Variants in ITGBL1 observed in about 807,000 individuals in gnomAD.
ITGBL1 encodes integrin subunit beta like 1.
Under a neutral mutation model 68.5 loss-of-function variants are expected in ITGBL1, and 51 were observed. The observed-to-expected ratio is 0.74, with a 90% CI of 0.59 to 0.94. The LOEUF (loss-of-function observed/expected upper bound fraction) is 0.94, where lower values mean the gene tolerates loss of function less well. Ranked by LOEUF, ITGBL1 falls within the 40% of genes least tolerant of loss-of-function variation. The pLI, the probability that ITGBL1 is intolerant of heterozygous loss-of-function variation, is 0.00. For synonymous variants in ITGBL1, 209 were observed against 227.3 expected (o/e 0.92, Z 0.72); for missense variants, 649 against 647.4 (o/e 1.00, Z -0.03).
chr13:101,573,621 A>T (rs1478033478), intron 3 of ITGBL1, among the ~76,000 whole-genome samples: 2 of 152,176 alleles, frequency 1.3e-5, no homozygotes, highest in Non-Finnish European at 1.5e-5. Flanking sequence ...GTACATATTC[A>T]TCACTTGGTA....
intron 7 of ITGBL1, among the ~76,000 whole-genome samples, chr13:101,652,799 G>C (rs574786732): frequency 3.7e-4 from 57 of 152,154 alleles, no homozygotes; most frequent in Non-Finnish European, 7.4e-4. Flanking sequence ...GATCATCACA[G>C]AATAAGAAAC....
At chr13:101,695,647 A>G (rs1185665658) in intron 8 of ITGBL1, among the ~76,000 whole-genome samples, 3 of 152,088 alleles carry the variant, frequency 2.0e-5, no homozygotes, top group African/African-American at 7.2e-5. Context: ...AGCTGGATGG[A>G]AGACAGTAAA....
chr13:101,588,845 T>C lies in ITGBL1; in HGVS notation c.868+5489T>C, dbSNP rs967895846. 5.3e-5 allele frequency among the ~76,000 whole-genome samples: 8 copies of C among 152,334 alleles called. No homozygotes were observed. In the East Asian group the frequency reaches 1.3e-3, roughly 26 times the overall value. On this transcript the variant is annotated intron_variant, in intron 6 of 10. Transcript: ENST00000376180. Reference sequence around the variant, plus strand: ...CTACCAAATGATTCCTTCTTTGGCATAACTTTTAAAATTGGAATTGAGAAA... The same window carrying C: ...CTACCAAATGATTCCTTCTTTGGCACAACTTTTAAAATTGGAATTGAGAAA...
chr13:101,529,031 A>C (rs1313410654), intron 2 of ITGBL1, among the ~76,000 whole-genome samples: 1 of 152,054 alleles, frequency 6.6e-6, no homozygotes, highest in Non-Finnish European at 1.5e-5. Context: ...TAGGCACTAT[A>C]CCATAGGGAA....
At chr13:101,463,902 GTTC>G (rs1359832283) in intron 2 of ITGBL1, among the ~76,000 whole-genome samples, 1 of 140,496 alleles carries the variant, frequency 7.1e-6, no homozygotes, top group African/African-American at 2.7e-5. Context: ...AGTCATTCTA[GTTC>G]TTTTTTTTTT....
intron 2 of ITGBL1, among the ~76,000 whole-genome samples, chr13:101,560,975 C>T (rs377750451): frequency 2.6e-5 from 4 of 152,130 alleles, no homozygotes; most frequent in East Asian, 1.9e-4. Flanking sequence ...AAAAGTGGGA[C>T]GAATTAAAAA....
intron 2 of ITGBL1, among the ~76,000 whole-genome samples, chr13:101,456,036 G>A (rs1188905005): frequency 6.6e-6 from 1 of 152,074 alleles, no homozygotes; most frequent in African/African-American, 2.4e-5. Context: ...TGCTGTGGTA[G>A]ACAGCATTCC....
intron 2 of ITGBL1, among the ~76,000 whole-genome samples, chr13:101,542,792 T>A (rs2049734799): frequency 6.6e-6 from 1 of 152,236 alleles, no homozygotes; most frequent in African/African-American, 2.4e-5. Context: ...GTTGAACTGA[T>A]CCCTTTACTA....
chr13:101,660,210 A>G (rs914843565), intron 7 of ITGBL1, among the ~76,000 whole-genome samples: 8 of 152,150 alleles, frequency 5.3e-5, no homozygotes, highest in African/African-American at 1.9e-4. Flanking sequence ...AACTCAAATC[A>G]ATTTTCTTGA....
At chr13:101,529,802 TAA>T (rs1361395614) in intron 2 of ITGBL1, among the ~76,000 whole-genome samples, 1 of 152,190 alleles carries the variant, frequency 6.6e-6, no homozygotes, top group Non-Finnish European at 1.5e-5. Flanking sequence ...TGCCATGATT[TAA>T]GTTTCCTGAA....
intron 2 of ITGBL1, among the ~76,000 whole-genome samples, chr13:101,473,859 C>T (rs2048497972): frequency 6.6e-6 from 1 of 152,144 alleles, no homozygotes; most frequent in South Asian, 2.1e-4. Context: ...AACCCACTAC[C>T]TTGAAGAGAA....
At chr13:101,534,151 T>C (rs61976161) in intron 2 of ITGBL1, among the ~76,000 whole-genome samples, 2,949 of 152,232 alleles carry the variant, frequency 0.019, 49 homozygotes, top group Non-Finnish European at 0.032. Flanking sequence ...CAAATGTCAT[T>C]GTCAACGTTG....
intron 7 of ITGBL1, among the ~76,000 whole-genome samples, chr13:101,638,458 T>C (rs893229112): frequency 6.6e-6 from 1 of 152,086 alleles, no homozygotes; most frequent in Non-Finnish European, 1.5e-5. Flanking sequence ...CTATTTGTAT[T>C]AGCCCGTTTT....
intron 2 of ITGBL1, among the ~76,000 whole-genome samples, chr13:101,479,091 G>GTA (rs529095845): frequency 1.0e-3 from 158 of 152,084 alleles, no homozygotes; most frequent in African/African-American, 3.7e-3. Flanking sequence ...AAATAGTATA[G>GTA]TACTAGCATA....
chr13:101,534,397 C>A (rs1206477673), intron 2 of ITGBL1, among the ~76,000 whole-genome samples: 2 of 151,976 alleles, frequency 1.3e-5, no homozygotes, highest in East Asian at 3.9e-4. Flanking sequence ...AGGTTGAGGG[C>A]AACACACTAA....
intron 9 of ITGBL1, among the ~76,000 whole-genome samples, chr13:101,707,890 G>T (rs1006230482): frequency 4.1e-5 from 6 of 146,352 alleles, no homozygotes; most frequent in African/African-American, 1.5e-4. Context: ...ATTAAACAAA[G>T]AAAACAAAAG....
chr13:101,676,066 G>C (rs1284902438), intron 7 of ITGBL1, among the ~76,000 whole-genome samples: 1 of 145,990 alleles, frequency 6.8e-6, no homozygotes, highest in Non-Finnish European at 1.5e-5. Flanking sequence ...CATTTTAAAA[G>C]TAATAGATAT....
chr13:101,547,543 A>C (rs2049847485), intron 2 of ITGBL1, among the ~76,000 whole-genome samples: 1 of 151,868 alleles, frequency 6.6e-6, no homozygotes, highest in African/African-American at 2.4e-5. Flanking sequence ...ATTAAAGCCT[A>C]GATGAAATGG....
chr13:101,595,900 C>T (rs2029932039), intron 6 of ITGBL1, among the ~76,000 whole-genome samples: 1 of 152,094 alleles, frequency 6.6e-6, no homozygotes, highest in Admixed American at 6.6e-5. Flanking sequence ...ATGGTCACTG[C>T]AGCATTACTC....
Sources: gnomAD v4.1 joint callset for allele counts (sites outside exome capture counted in the v4.1 genomes callset) on GRCh38, gnomAD v4.1.1 for gene constraint, MANE v1.5 for transcripts, NCBI Gene and HGNC (gene_info 2026-07-23, HGNC 2026-07-21) for gene names.